Variants in TMEM161B observed in about 807,000 individuals in gnomAD.
The protein encoded by TMEM161B is transmembrane protein 161B.
In TMEM161B, 34 loss-of-function variants were observed where a neutral mutation model predicts 61.8. That is an observed-to-expected ratio of 0.55 (90% CI 0.42 to 0.73). The LOEUF (loss-of-function observed/expected upper bound fraction) is 0.73, where lower values mean the gene tolerates loss of function less well. Ranked by LOEUF, TMEM161B falls within the 30% of genes least tolerant of loss-of-function variation. TMEM161B has a pLI of 0.00. For missense variants in TMEM161B, 456 were observed against 558.5 expected, an observed-to-expected ratio of 0.82 and a Z score of 1.85; for synonymous variants, 167 against 192.8, an observed-to-expected ratio of 0.87 and a Z score of 1.11.
chr5:88,243,423 T>C (rs1451118921), intron 1 of TMEM161B, among the ~76,000 whole-genome samples: 2 of 151,922 alleles, frequency 1.3e-5, no homozygotes, highest in South Asian at 2.1e-4. Flanking sequence ...AATGATCCCA[T>C]TCTTTTAATG....
At position 88,196,495 on chromosome 5, in the gene TMEM161B, A is replaced by G. The variant is rs1223579001; in HGVS notation, c.1187-7T>C. 12 of 1,559,816 alleles carry G rather than the reference A, an allele frequency of 7.7e-6. No homozygotes were observed. The highest frequency in any genetic ancestry group is 1.4e-5 in the African/African-American group (1 of 72,118). The stretch of plus-strand genomic sequence containing the variant: ...ATACCCCAGGAATGATTACCTAGAA[A>G]ATCAAAGACACAAATACAATTTGAA... On this transcript the variant is annotated splice_region_variant and splice_polypyrimidine_tract_variant and intron_variant, in intron 11 of 11. Transcript: ENST00000296595.
intron 1 of TMEM161B, among the ~76,000 whole-genome samples, chr5:88,259,027 G>T (rs1450888150): frequency 3.3e-5 from 5 of 152,282 alleles, no homozygotes; most frequent in East Asian, 1.9e-4. Context: ...AAATGGAGCA[G>T]AACAGCTTGT....
chr5:88,235,208 T>C (rs1751639957), intron 2 of TMEM161B, among the ~76,000 whole-genome samples: 1 of 152,216 alleles, frequency 6.6e-6, no homozygotes, highest in South Asian at 2.1e-4. Flanking sequence ...TTAAGTAGCA[T>C]TTATAGTGCT....
At chr5:88,236,286 G>A (rs971833353) in intron 2 of TMEM161B, among the ~76,000 whole-genome samples, 7 of 152,040 alleles carry the variant, frequency 4.6e-5, no homozygotes, top group Non-Finnish European at 2.9e-5. Flanking sequence ...AGAGAAAAAC[G>A]CATGAGGTTT....
At chr5:88,247,547 CATTT>C (rs922329583) in intron 1 of TMEM161B, among the ~76,000 whole-genome samples, 9 of 152,028 alleles carry the variant, frequency 5.9e-5, no homozygotes, top group Non-Finnish European at 2.9e-5. Flanking sequence ...CCTTCCTATT[CATTT>C]GTTTCTTGAC....
chr5:88,248,274 CT>C (rs1179193270), intron 1 of TMEM161B, among the ~76,000 whole-genome samples: 1 of 152,102 alleles, frequency 6.6e-6, no homozygotes, highest in Non-Finnish European at 1.5e-5. Flanking sequence ...AGGAGTCTTA[CT>C]TCTCAGCGGG....
intron 9 of TMEM161B, chr5:88,199,953 G>C (rs1744066614): frequency 6.6e-6 from 1 of 151,962 alleles, no homozygotes; most frequent in Non-Finnish European, 1.5e-5. Flanking sequence ...CTTATATCTA[G>C]TACCTATCAG....
intron 2 of TMEM161B, among the ~76,000 whole-genome samples, chr5:88,233,190 T>A (rs2112609830): frequency 6.6e-6 from 1 of 152,320 alleles, no homozygotes; most frequent in African/African-American, 2.4e-5. Flanking sequence ...TTTTGATGGT[T>A]ATATTCCAGT....
intron 1 of TMEM161B, 60 bp downstream of exon 1, chr5:88,268,661 C>A: frequency 6.2e-7 from 1 of 1,612,422 alleles, no homozygotes. Flanking sequence ...TTTCACAGTA[C>A]TGACCTCCCC....
At chr5:88,191,227 T>C (rs1748806897), downstream of TMEM161B, among the ~76,000 whole-genome samples, 2 of 152,208 alleles carry the variant, frequency 1.3e-5, no homozygotes, top group African/African-American at 4.8e-5. Context: ...ATATTAAAGA[T>C]GTAATTCCAA....
chr5:88,221,718 A>G, intron 4 of TMEM161B: 1 of 456,206 alleles, frequency 2.2e-6, no homozygotes. Context: ...TACTTCTACC[A>G]GAGTGTAGTC....
intron 4 of TMEM161B, among the ~76,000 whole-genome samples, chr5:88,225,125 G>A (rs1386663804): frequency 2.0e-5 from 3 of 151,660 alleles, no homozygotes; most frequent in African/African-American, 7.3e-5. Context: ...CTGCCACCAC[G>A]CCTGGCTAAT....
At chr5:88,262,586 G>C (rs531943332) in intron 1 of TMEM161B, among the ~76,000 whole-genome samples, 1 of 152,254 alleles carries the variant, frequency 6.6e-6, no homozygotes, top group East Asian at 1.9e-4. Flanking sequence ...GGACTATTGA[G>C]CTATGAAAAG....
chr5:88,192,960 A>G (rs959685980), downstream of TMEM161B, among the ~76,000 whole-genome samples: 2 of 152,280 alleles, frequency 1.3e-5, no homozygotes, highest in African/African-American at 2.4e-5. Flanking sequence ...CCATTAATGG[A>G]TGAATATCTC....
At chr5:88,267,994 G>A (rs1313379556) in intron 1 of TMEM161B, among the ~76,000 whole-genome samples, 1 of 151,986 alleles carries the variant, frequency 6.6e-6, no homozygotes, top group Non-Finnish European at 1.5e-5. Flanking sequence ...ACATTATCTG[G>A]TTACTGCCGG....
intron 11 of TMEM161B, 102 bp from the exon 12 acceptor site, chr5:88,196,590 T>C: frequency 8.6e-7 from 1 of 1,162,802 alleles, no homozygotes; most frequent in African/African-American, 1.6e-5. Flanking sequence ...ATATGTTTAG[T>C]GGCACAGTAC....
intron 1 of TMEM161B, among the ~76,000 whole-genome samples, chr5:88,255,468 C>T (rs1320281527): frequency 6.6e-6 from 1 of 152,170 alleles, no homozygotes; most frequent in African/African-American, 2.4e-5. Flanking sequence ...AGAATAAGAA[C>T]ACCTATTGAT....
chr5:88,221,765 A>G (rs1379825418), intron 4 of TMEM161B: 5 of 456,040 alleles, frequency 1.1e-5, no homozygotes, highest in African/African-American at 4.0e-5. Context: ...GGCCTCCTAA[A>G]AATGTGGAAG....
intron 1 of TMEM161B, among the ~76,000 whole-genome samples, chr5:88,253,129 T>G (rs1754551551): frequency 6.6e-6 from 1 of 152,156 alleles, no homozygotes; most frequent in Non-Finnish European, 1.5e-5. Context: ...GCTATTTTTA[T>G]TGATACACTC....
Sources: allele counts gnomAD v4.1 joint callset (sites outside exome capture counted in the v4.1 genomes callset), GRCh38; gene constraint gnomAD v4.1.1; transcripts MANE v1.5; gene names NCBI Gene and HGNC (gene_info 2026-07-23, HGNC 2026-07-21).